The following CDKL3 variants were observed in gnomAD, a reference collection of about 807,000 sequenced individuals.
CDKL3 encodes cyclin-dependent kinase-like 3.
A neutral mutation model predicts 69.3 loss-of-function variants in CDKL3; 65 were observed. The observed-to-expected ratio is 0.94, with a 90% CI of 0.77 to 1.15. The LOEUF is 1.15. Ranked by LOEUF, CDKL3 falls within the 50% of genes most tolerant of loss-of-function variation. The pLI is 0.00. For synonymous variants in CDKL3, 202 were observed against 221.6 expected, an observed-to-expected ratio of 0.91 and a Z score of 0.79; for missense variants, 652 against 689.2, an observed-to-expected ratio of 0.95 and a Z score of 0.61.
intron 4 of CDKL3, among the ~76,000 whole-genome samples, chr5:134,336,249 T>C (rs1168776660): frequency 6.6e-6 from 1 of 152,196 alleles, no homozygotes; most frequent in Non-Finnish European, 1.5e-5. Context: ...GTTTTTAGCT[T>C]CCTGGCAATG....
Position 134,308,439 on chromosome 5 carries a change from C to T in CDKL3, c.1063G>A (p.Glu355Lys), listed in dbSNP as rs767464149. ...ACTTTAATAACTCTGACTTTGATCT[C>T]CTTGGGCTTTTTCTCTTTTTCTATT... ...KEIEKEKKPK[E>K]IKVRVIKVKG... Residue 355 changes from glutamate (E) to lysine (K), a missense_variant, in exon 9 of 13, where the codon GAG becomes AAG. Physicochemically the swap from Glu to Lys is moderately conservative, Grantham distance 56 (BLOSUM62 1). Transcript: ENST00000265334. The T allele has an allele frequency of 5.6e-6, 9 of 1,605,544 alleles. No homozygotes were observed. The highest frequency in any genetic ancestry group is 7.6e-6 in the Non-Finnish European group (9 of 1,177,366).
chr5:134,371,350 G>A (rs1342682963), upstream of CDKL3: 19 of 604,218 alleles, frequency 3.1e-5, 1 homozygote, highest in South Asian at 2.9e-4. Context: ...TGAAGGGCTC[G>A]GGGAAGGCGC....
intron 6 of CDKL3, among the ~76,000 whole-genome samples, chr5:134,314,284 G>A (rs1561532485): frequency 6.6e-6 from 1 of 152,096 alleles, no homozygotes; most frequent in Non-Finnish European, 1.5e-5. Flanking sequence ...AAATCATAGG[G>A]GCAGACAATT....
At chr5:134,318,633 G>A (rs1046346068) in intron 6 of CDKL3, among the ~76,000 whole-genome samples, 3 of 151,898 alleles carry the variant, frequency 2.0e-5, no homozygotes, top group Non-Finnish European at 2.9e-5. Context: ...CTACCAGCAC[G>A]TGCCACCATG....
chr5:134,299,644 A>T (rs1765831101), intron 12 of CDKL3: 5 of 1,495,030 alleles, frequency 3.3e-6, no homozygotes, highest in South Asian at 2.6e-5. Context: ...AAGGATTTTT[A>T]AAAAACCATA....
chr5:134,319,937 G>A (rs1022202890), intron 5 of CDKL3, among the ~76,000 whole-genome samples: 1 of 152,138 alleles, frequency 6.6e-6, no homozygotes, highest in Non-Finnish European at 1.5e-5. Context: ...AAGAAACAAG[G>A]CTAGAGAGTA....
downstream of CDKL3, among the ~76,000 whole-genome samples, chr5:134,293,861 C>G (rs1474678800): frequency 6.7e-6 from 1 of 150,206 alleles, no homozygotes; most frequent in Non-Finnish European, 1.5e-5. Flanking sequence ...ATAATCCCAG[C>G]CTTTGAGAGG....
chr5:134,311,196 G>A (rs1160920555), intron 7 of CDKL3, among the ~76,000 whole-genome samples: 1 of 152,140 alleles, frequency 6.6e-6, no homozygotes, highest in African/African-American at 2.4e-5. Flanking sequence ...CCAATTTCAT[G>A]GGTAGGATAC....
chr5:134,285,028 T>C (rs1048058464), downstream of CDKL3, among the ~76,000 whole-genome samples: 1 of 152,240 alleles, frequency 6.6e-6, no homozygotes, highest in African/African-American at 2.4e-5. Flanking sequence ...TAGGAAATTA[T>C]AAGAGTATTG....
At chr5:134,352,045 C>A (rs188458809) in intron 3 of CDKL3, among the ~76,000 whole-genome samples, 303 of 152,198 alleles carry the variant, frequency 2.0e-3, no homozygotes, top group African/African-American at 6.9e-3. Context: ...ATCTCCCCAA[C>A]CACCCCCACT....
At chr5:134,363,957 T>TAAAAAAAA (rs1206131261) in intron 2 of CDKL3, among the ~76,000 whole-genome samples, 20 of 96,402 alleles carry the variant, frequency 2.1e-4, no homozygotes, top group African/African-American at 7.2e-4. Flanking sequence ...CTCCATTTCT[T>TAAAAAAAA]AAAAAAAAAA....
chr5:134,319,598 T>A (rs753283794), intron 5 of CDKL3, 101 bp from the exon 6 acceptor site: 1 of 976,942 alleles, frequency 1.0e-6, no homozygotes, highest in African/African-American at 1.7e-5. Flanking sequence ...TAAAAACTGA[T>A]ACAAGGAAGA....
At chr5:134,329,039 G>C (rs73289852) in intron 4 of CDKL3, among the ~76,000 whole-genome samples, 21,360 of 152,122 alleles carry the variant, frequency 0.14, 1,828 homozygotes, top group African/African-American at 0.23. Context: ...ACCCCAGACA[G>C]TAATTCAAAT....
intron 3 of CDKL3, among the ~76,000 whole-genome samples, chr5:134,356,051 A>G (rs1754530422): frequency 1.3e-5 from 2 of 152,184 alleles, no homozygotes; most frequent in Admixed American, 6.6e-5. Flanking sequence ...TTGTTACATT[A>G]TACTATACAA....
upstream of CDKL3, chr5:134,371,426 T>C (rs1758391722): frequency 2.4e-6 from 2 of 838,786 alleles, no homozygotes; most frequent in East Asian, 5.5e-5. Context: ...GGCGGAGGGA[T>C]CCGGAGGCGG....
intron 4 of CDKL3, among the ~76,000 whole-genome samples, chr5:134,339,701 G>A (rs1265059636): frequency 1.3e-5 from 2 of 151,884 alleles, no homozygotes; most frequent in African/African-American, 4.8e-5. Flanking sequence ...AATTTAAAAG[G>A]GCAGAAATTA....
chr5:134,285,628 G>A (rs925817182), downstream of CDKL3, among the ~76,000 whole-genome samples: 1 of 152,214 alleles, frequency 6.6e-6, no homozygotes, highest in African/African-American at 2.4e-5. Flanking sequence ...TTTCCCCATT[G>A]TCTTGGGGAT....
At chr5:134,299,784 G>A (rs1401470561) in intron 12 of CDKL3, 28 of 1,357,376 alleles carry the variant, frequency 2.1e-5, no homozygotes, top group Non-Finnish European at 2.7e-5. Flanking sequence ...CTTTAATTGA[G>A]GACATGGTGA....
chr5:134,324,858 T>C (rs2149497339), intron 4 of CDKL3, among the ~76,000 whole-genome samples: 1 of 152,330 alleles, frequency 6.6e-6, no homozygotes, highest in South Asian at 2.1e-4. Context: ...TAATGTTCAA[T>C]ATTGGTACAT....
Sources: allele counts gnomAD v4.1 joint callset (sites outside exome capture counted in the v4.1 genomes callset), GRCh38; gene constraint gnomAD v4.1.1; transcripts MANE v1.5; gene names NCBI Gene and HGNC (gene_info 2026-07-23, HGNC 2026-07-21).